The following BBS4 variants were observed in gnomAD, a reference collection of about 807,000 sequenced individuals.
BBS4 encodes BBSome complex member BBS4.
Under a neutral mutation model 71.4 loss-of-function variants are expected in BBS4, and 58 were observed. The observed-to-expected ratio is 0.81, with a 90% CI of 0.66 to 1.01. The LOEUF (loss-of-function observed/expected upper bound fraction) is 1.01. Ranked by LOEUF, BBS4 falls within the 50% of genes least tolerant of loss-of-function variation. The pLI is 0.00. For missense variants in BBS4, 660 were observed against 607.9 expected (o/e 1.09, Z -0.90); for synonymous variants, 228 against 216.8 (o/e 1.05, Z -0.46).
rs759723555 is a variant in BBS4 at position 72,731,565 on chromosome 15, G to A, written c.875G>A (p.Cys292Tyr). 1.2e-6 allele frequency: 2 copies of A among 1,614,170 alleles called. No homozygotes were observed. The highest frequency in any genetic ancestry group is 1.7e-6 in the Non-Finnish European group (2 of 1,180,036). The change falls in exon 12 of 16, where the codon TGC becomes TAC. Residue 292 changes from cysteine (C) to tyrosine (Y), a missense_variant. Coordinates refer to ENST00000268057, the MANE Select transcript of BBS4 (RefSeq NM_033028.5). ...CCTTCTCTCTCATAGGCCATCAGCTGCCTGAAACGAGCCAACTACTTGGCA... is the reference window on the plus strand; with the variant it reads ...CCTTCTCTCTCATAGGCCATCAGCTACCTGAAACGAGCCAACTACTTGGCA... The part of the protein sequence containing the change: ...GKKKYVAAIS[C>Y]LKRANYLAPF...
chr15:72,724,532 A>C lies in BBS4; in HGVS notation c.464A>C (p.Gln155Pro), dbSNP rs2065632499. 11 of 1,613,904 alleles carry C rather than the reference A, an allele frequency of 6.8e-6. No individual in the cohort carries two copies. The highest frequency in any genetic ancestry group is 9.3e-6 in the Non-Finnish European group (11 of 1,179,918). Residue 155 changes from glutamine to proline, a missense_variant, in exon 8 of 16, where the codon CAA becomes CCA. Coordinates refer to ENST00000268057, the MANE Select transcript of BBS4 (RefSeq NM_033028.5). ...TTATTTTGTTAAACTTGTCAGGCACAAGACCAGTTGCACAATGCCCTGAAT... is the reference window on the plus strand; with the variant it reads ...TTATTTTGTTAAACTTGTCAGGCACCAGACCAGTTGCACAATGCCCTGAAT... ...YIYLKQFNKA[Q>P]DQLHNALNLN...
At chr15:72,730,405 T>C (rs1002538149) in intron 10 of BBS4, among the ~76,000 whole-genome samples, 2 of 152,172 alleles carry the variant, frequency 1.3e-5, no homozygotes, top group Admixed American at 1.3e-4. Context: ...AAGACCAGGC[T>C]GGGCCACATA....
chr15:72,736,906 A>T lies in BBS4; in HGVS notation c.1393A>T (p.Asn465Tyr). ...CAGTTTCCAGCAGCCTCTGGGCTCT[A>T]ATCAAGCTCTAGGACAGGCAATGTC... ...PASFQQPLGS[N>Y]QALGQAMSSA... The change falls in exon 15 of 16, where the codon AAT becomes TAT. Residue 465 changes from asparagine to tyrosine, a missense_variant. Transcript: ENST00000268057. 1 of 1,614,198 alleles carries T rather than the reference A, an allele frequency of 6.2e-7. No individual in the cohort carries two copies. The highest frequency in any genetic ancestry group is 8.5e-7 in the Non-Finnish European group (1 of 1,180,030).
In BBS4 at chr15:72,693,973, C is replaced by T. The variant is rs142394467; in HGVS notation, c.25-1204C>T. 8.3e-3 allele frequency among the ~76,000 whole-genome samples: 1,263 copies of T among 152,030 alleles called. 14 individuals are homozygous for T. The highest frequency in any genetic ancestry group is 0.029 in the African/African-American group (1,195 of 41,436). The stretch of plus-strand genomic sequence containing the variant: ...GATCTTGGCCCACTGCAACCTCTGC[C>T]TTCTGGGTTCAAGCGATTTTCCTGC... On this transcript the variant is annotated intron_variant, in intron 1 of 15. Transcript: ENST00000268057.
chr15:72,721,306 A>G (rs1322800529), intron 6 of BBS4, among the ~76,000 whole-genome samples: 1 of 152,214 alleles, frequency 6.6e-6, no homozygotes, highest in Non-Finnish European at 1.5e-5. Flanking sequence ...TTTTAGAAAT[A>G]AATACGGAAA....
chr15:72,692,235 C>G (rs1430271034), intron 1 of BBS4, among the ~76,000 whole-genome samples: 2 of 146,880 alleles, frequency 1.4e-5, no homozygotes, highest in Non-Finnish European at 3.0e-5. Context: ...GTGGTTGTAA[C>G]AATTTATGCT....
chr15:72,709,830 A>G, intron 3 of BBS4, 51 bp downstream of exon 3: 7 of 1,454,824 alleles, frequency 4.8e-6, no homozygotes, highest in Non-Finnish European at 6.7e-6. Flanking sequence ...TTGGGTAGGC[A>G]ACTAACAGTG....
intron 14 of BBS4, 25 bp from the exon 15 acceptor site, chr15:72,736,737 C>T (rs2065931565): frequency 2.5e-6 from 4 of 1,613,222 alleles, no homozygotes; most frequent in Non-Finnish European, 3.4e-6. Flanking sequence ...GCTTTTGATT[C>T]TTTTACTTCC....
chr15:72,701,593 T>A (rs2065169951), intron 2 of BBS4, among the ~76,000 whole-genome samples: 1 of 150,888 alleles, frequency 6.6e-6, no homozygotes, highest in Admixed American at 6.6e-5. Context: ...ACACACACAC[T>A]TGCTCATATG....
rs116015405 is a variant in BBS4 at position 72,714,911 on chromosome 15, G to T, written c.221-380G>T. Among the ~76,000 whole-genome samples, 235 of 152,310 alleles carry T rather than the reference G, an allele frequency of 1.5e-3. 2 individuals carry two copies. Among genetic ancestry groups the T allele is most frequent in the African/African-American group, 5.0e-3 (208 of 41,570 alleles). On this transcript the variant is annotated intron_variant, in intron 4 of 15. Coordinates refer to ENST00000268057, the MANE Select transcript of BBS4 (RefSeq NM_033028.5). ...TTGATTCCATTTGCCCCATTTGGGG[G>T]TTCGCTCTGAAAACTATCAGTTGGA...
Position 72,729,161 on chromosome 15 carries a change from C to CTTTTTTTT in BBS4, c.643-437_643-430dup, listed in dbSNP as rs71137313. The stretch of plus-strand genomic sequence containing the variant: ...CTTTATTATCTGGTAACTGTAGCTG[C>CTTTTTTTT]TTTTTTTTTTTTTTTTTTTTTTTTT... On this transcript the variant is annotated intron_variant, in intron 9 of 15. Transcript: ENST00000268057. Among the ~76,000 whole-genome samples, 2 of 70,034 alleles carry CTTTTTTTT rather than the reference C, an allele frequency of 2.9e-5. 1 individual carries two copies. Among genetic ancestry groups the CTTTTTTTT allele is most frequent in the African/African-American group, 1.4e-4 (2 of 14,350 alleles). 45.9% of individuals were successfully genotyped at this position (70,034 alleles called of 152,430 possible).
Position 72,736,661 on chromosome 15 carries a change from C to T in BBS4, c.1249-101C>T, listed in dbSNP as rs962176322. The T allele has an allele frequency of 1.2e-5, 13 of 1,095,512 alleles. No individual in the cohort carries two copies. The Admixed American group carries it at 1.9e-4, about 16-fold the overall frequency. 67.9% of individuals were successfully genotyped at this position (1,095,512 alleles called of 1,614,324 possible). ...TGCCTCAACTGCTAGTACGACCAGA[C>T]ACTATTTCAGCTAAAACCCCAGCTC... On this transcript the variant is annotated intron_variant, in intron 14 of 15. Transcript: ENST00000268057.
Position 72,731,650 on chromosome 15 carries a change from T to C in BBS4, c.960T>C (p.Tyr320=), listed in dbSNP as rs770891152. The change falls in exon 12 of 16, where the codon TAT becomes TAC. Residue 320 remains tyrosine (Y), a synonymous_variant. Coordinates refer to ENST00000268057, the MANE Select transcript of BBS4 (RefSeq NM_033028.5). ...LGLVHLTMQQ[Y]ASAFHFLSAA... ...TTGTCCATTTGACCATGCAGCAGTATGCATCAGCTTTTCATTTTCTCAGTG... is the reference window on the plus strand; with the variant it reads ...TTGTCCATTTGACCATGCAGCAGTACGCATCAGCTTTTCATTTTCTCAGTG... 6.2e-7 allele frequency: 1 copy of C among 1,614,240 alleles called. No homozygotes were observed. Among genetic ancestry groups the C allele is most frequent in the Non-Finnish European group, 8.5e-7 (1 of 1,180,046 alleles).
intron 6 of BBS4, among the ~76,000 whole-genome samples, chr15:72,721,460 G>A (rs4238454): frequency 0.96 from 146,297 of 152,120 alleles, 70,625 homozygotes; most frequent in East Asian, 1. Flanking sequence ...TCCCTAGGAT[G>A]TAGAACTAAA....
chr15:72,729,562 T>C (rs2065771502), intron 9 of BBS4, 54 bp from the exon 10 acceptor site: 7 of 1,573,976 alleles, frequency 4.4e-6, no homozygotes, highest in South Asian at 1.1e-5. Flanking sequence ...GCCAGACTCT[T>C]TTAACTGCCG....
intron 2 of BBS4, among the ~76,000 whole-genome samples, chr15:72,698,621 A>G (rs544677662): frequency 1.9e-4 from 29 of 152,198 alleles, no homozygotes; most frequent in Admixed American, 1.0e-3. Context: ...CATTTTGTTT[A>G]TCTGTCTGTT....
chr15:72,729,511 A>G lies in BBS4; in HGVS notation c.643-105A>G. The G allele has an allele frequency of 9.5e-7, 1 of 1,049,146 alleles. No individual in the cohort carries two copies. Among genetic ancestry groups the G allele is most frequent in the South Asian group, 1.3e-5 (1 of 78,966 alleles). The allele number at this position is 1,049,146 out of a possible 1,614,324, so 65.0% of individuals were successfully genotyped here. A position where few individuals can be genotyped will look rare whatever the true frequency, so the allele number is the denominator to read the frequency against. Reference sequence around the variant, plus strand: ...GTGATCCACCCACCTTAGCCTCCCAAAGTGCTGGGATTATAGGCATTAGCC... The same window carrying G: ...GTGATCCACCCACCTTAGCCTCCCAGAGTGCTGGGATTATAGGCATTAGCC... On this transcript the variant is annotated intron_variant, in intron 9 of 15. Transcript: ENST00000268057.
intron 1 of BBS4, among the ~76,000 whole-genome samples, chr15:72,687,074 C>T (rs1445808814): frequency 1.4e-5 from 2 of 147,950 alleles, no homozygotes; most frequent in South Asian, 2.1e-4. Context: ...CTCTCATTTG[C>T]AGAGTAGTCA....
At chr15:72,724,736 G>A (rs2151034577) in intron 8 of BBS4, 81 bp downstream of exon 8, 4 of 1,542,832 alleles carry the variant, frequency 2.6e-6, no homozygotes, top group Non-Finnish European at 2.7e-6. Context: ...CTAAAAGAGT[G>A]AATATGTTTG....
Sources: gnomAD v4.1 joint callset for allele counts (sites outside exome capture counted in the v4.1 genomes callset) on GRCh38, gnomAD v4.1.1 for gene constraint, MANE v1.5 for transcripts, NCBI Gene and HGNC (gene_info 2026-07-23, HGNC 2026-07-21) for gene names.